OLFM3: variants seen among roughly 807,000 people sequenced by gnomAD.
OLFM3 encodes olfactomedin 3.
Under a neutral mutation model 48.6 loss-of-function variants are expected in OLFM3, and 20 were observed. That is an observed-to-expected ratio of 0.41 (90% confidence interval 0.29 to 0.60). OLFM3 has a LOEUF of 0.60. Ranked by LOEUF, OLFM3 falls within the 20% of genes least tolerant of loss-of-function variation. OLFM3 has a pLI of 0.28. For missense variants in OLFM3, 437 were observed against 544.3 expected (o/e 0.80, Z 1.96); for synonymous variants, 222 against 198.1 (o/e 1.12, Z -1.01).
intron 1 of OLFM3, among the ~76,000 whole-genome samples, chr1:101,917,419 T>C (rs561673645): frequency 6.6e-6 from 1 of 151,770 alleles, no homozygotes; most frequent in South Asian, 2.1e-4. Context: ...TATATGGCCA[T>C]ATATATATAT....
At chr1:101,843,218 G>A (rs1655814957) in intron 1 of OLFM3, among the ~76,000 whole-genome samples, 1 of 152,196 alleles carries the variant, frequency 6.6e-6, no homozygotes, top group African/African-American at 2.4e-5. Context: ...CTTTGAAAAT[G>A]TACCAAAACA....
intron 3 of OLFM3, among the ~76,000 whole-genome samples, chr1:101,826,134 A>G (rs770689171): frequency 0.024 from 2,202 of 90,428 alleles, 32 homozygotes; most frequent in Non-Finnish European, 0.035. Context: ...CGTCAAACAC[A>G]CACACACACA....
In OLFM3 at chr1:101,858,061, T is replaced by G. The variant is rs576478201; in HGVS notation, c.70-21036A>C. Among the ~76,000 whole-genome samples, 136 of 152,190 alleles carry G rather than the reference T, an allele frequency of 8.9e-4. 3 individuals carry two copies. The highest frequency in any genetic ancestry group is 3.2e-3 in the African/African-American group (134 of 41,478). ...AGTTATTGATCTTAAAACTGGAAAC[T>G]CCTCATAACTGGTATTTCATAATCA... On this transcript the variant is annotated intron_variant, in intron 1 of 5. Transcript: ENST00000370103.
At chr1:101,941,031 CA>C (rs932603522) in intron 1 of OLFM3, among the ~76,000 whole-genome samples, 4 of 152,060 alleles carry the variant, frequency 2.6e-5, no homozygotes, top group African/African-American at 9.7e-5. Flanking sequence ...TTAAATTTTG[CA>C]GCATTGTGAG....
At position 101,808,514 on chromosome 1, in the gene OLFM3, C is replaced by T. The variant is rs375708254; in HGVS notation, c.593-2332G>A. ...AGTGAGATGGGACTCTGAAATCAGG[C>T]ACACCACTTAAACCATGCCTTAAGA... On this transcript the variant is annotated intron_variant, in intron 4 of 5. Transcript: ENST00000370103. Among the ~76,000 whole-genome samples the T allele has an allele frequency of 5.9e-5, 9 of 151,792 alleles. No homozygotes were observed. In the East Asian group the frequency reaches 1.7e-3, roughly 29 times the overall value.
At chr1:101,972,148 C>G (rs889906745) in intron 1 of OLFM3, among the ~76,000 whole-genome samples, 1 of 152,074 alleles carries the variant, frequency 6.6e-6, no homozygotes, top group Non-Finnish European at 1.5e-5. Context: ...GATTTTACTG[C>G]TTTCATCTTC....
chr1:101,836,055 T>C (rs1427535156), intron 2 of OLFM3, among the ~76,000 whole-genome samples: 1 of 152,218 alleles, frequency 6.6e-6, no homozygotes, highest in Non-Finnish European at 1.5e-5. Context: ...GAAAATGACA[T>C]CACACAGAGT....
At chr1:101,946,620 A>T (rs1444952661) in intron 1 of OLFM3, among the ~76,000 whole-genome samples, 1 of 152,220 alleles carries the variant, frequency 6.6e-6, no homozygotes, top group Non-Finnish European at 1.5e-5. Context: ...TCAGTTATTT[A>T]GGCATTAATG....
rs190060884 is a variant in OLFM3 at position 101,882,738 on chromosome 1, T to C, written c.70-45713A>G. 3 of 151,752 alleles carry C rather than the reference T, an allele frequency of 2.0e-5. No individual in the cohort carries two copies. The Admixed American group carries it at 2.0e-4, about 10-fold the overall frequency. 9.4% of individuals were successfully genotyped at this position (151,752 alleles called of 1,614,324 possible). ...CCAGATGACACTGCCCCAGATGTAA[T>C]TGCCAGTAGTGAGCAAACCTATGAA... On this transcript the variant is annotated intron_variant, in intron 1 of 5. Coordinates refer to ENST00000370103, the MANE Select transcript of OLFM3 (RefSeq NM_058170.4).
chr1:101,934,211 T>TTC (rs1363315495), intron 1 of OLFM3, among the ~76,000 whole-genome samples: 1 of 152,166 alleles, frequency 6.6e-6, no homozygotes, highest in Non-Finnish European at 1.5e-5. Flanking sequence ...TCTGCTGTCT[T>TTC]CAAGAGACAC....
At chr1:101,830,865 T>C in intron 2 of OLFM3, 38 bp from the exon 3 acceptor site, 2 of 1,582,538 alleles carry the variant, frequency 1.3e-6, no homozygotes, top group Non-Finnish European at 8.6e-7. Flanking sequence ...TTATTATCTG[T>C]TTGCAGGTTT....
At position 101,858,225 on chromosome 1, in the gene OLFM3, C is replaced by T. The variant is rs543708271; in HGVS notation, c.70-21200G>A. On this transcript the variant is annotated intron_variant, in intron 1 of 5. Coordinates refer to ENST00000370103, the MANE Select transcript of OLFM3 (RefSeq NM_058170.4). ...TGTGTACTAATATCTATTAAAGTAT[C>T]CATATAAGTGAGTTAATATTTTTCT... Among the ~76,000 whole-genome samples the T allele has an allele frequency of 4.0e-5, 6 of 151,884 alleles. No individual in the cohort carries two copies. The East Asian group carries it at 1.2e-3, about 29-fold the overall frequency.
intron 1 of OLFM3, among the ~76,000 whole-genome samples, chr1:101,876,859 A>G (rs2100984370): frequency 6.6e-6 from 1 of 152,044 alleles, no homozygotes; most frequent in Admixed American, 6.6e-5. Context: ...CTTGTAAATG[A>G]CAGTGTCCTA....
chr1:101,927,786 A>AT (rs1403828960), intron 1 of OLFM3, among the ~76,000 whole-genome samples: 1 of 149,490 alleles, frequency 6.7e-6, no homozygotes, highest in Non-Finnish European at 1.5e-5. Context: ...TATTATAAAT[A>AT]TTTTTTCTAT....
chr1:101,950,837 A>G (rs1660123000), intron 1 of OLFM3, among the ~76,000 whole-genome samples: 1 of 152,156 alleles, frequency 6.6e-6, no homozygotes, highest in Non-Finnish European at 1.5e-5. Flanking sequence ...TATATTCCTT[A>G]CAAAAGTGCC....
At chr1:101,911,333 A>G (rs1003625882) in intron 1 of OLFM3, among the ~76,000 whole-genome samples, 3 of 152,198 alleles carry the variant, frequency 2.0e-5, no homozygotes, top group Admixed American at 6.5e-5. Flanking sequence ...GAGAGTCAAT[A>G]CCAGAAAAGC....
Position 101,961,047 on chromosome 1 carries a change from T to C in OLFM3, c.69+35701A>G, listed in dbSNP as rs190318182. On this transcript the variant is annotated intron_variant, in intron 1 of 5. Coordinates refer to ENST00000370103, the MANE Select transcript of OLFM3 (RefSeq NM_058170.4). ...ATGATGAGACTATTTGGATAACATA[T>C]GTAAATGTTCAATGGCTCTAGGAGA... 6.4e-3 allele frequency among the ~76,000 whole-genome samples: 982 copies of C among 152,254 alleles called. 8 individuals are homozygous for C. Among genetic ancestry groups the C allele is most frequent in the Non-Finnish European group, 0.01 (708 of 68,006 alleles).
chr1:101,985,070 C>A (rs1661198033), intron 1 of OLFM3, among the ~76,000 whole-genome samples: 1 of 152,228 alleles, frequency 6.6e-6, no homozygotes, highest in African/African-American at 2.4e-5. Flanking sequence ...GGCTTTCCAG[C>A]TTCTAGAGGC....
chr1:101,980,978 A>C (rs1216279656), intron 1 of OLFM3, among the ~76,000 whole-genome samples: 1 of 152,220 alleles, frequency 6.6e-6, no homozygotes, highest in African/African-American at 2.4e-5. Context: ...ACATTTCCTC[A>C]TGTCTGCTCA....
Sources: allele counts gnomAD v4.1 joint callset (sites outside exome capture counted in the v4.1 genomes callset), GRCh38; gene constraint gnomAD v4.1.1; transcripts MANE v1.5; gene names NCBI Gene and HGNC (gene_info 2026-07-23, HGNC 2026-07-21).